Variants in CDIN1 observed in about 807,000 individuals in gnomAD.
The protein encoded by CDIN1 is CDAN1 interacting nuclease 1.
A neutral mutation model predicts 45.3 loss-of-function variants in CDIN1; 33 were observed. The observed-to-expected ratio is 0.73, with a 90% CI of 0.55 to 0.97. The LOEUF (loss-of-function observed/expected upper bound fraction) is 0.97. Among genes scored for constraint, CDIN1 ranks in the 50% least tolerant of loss-of-function variants. The pLI, the probability that CDIN1 is intolerant of heterozygous loss-of-function variation, is 0.00. For missense variants in CDIN1, 303 were observed against 339.4 expected (o/e 0.89, Z 0.84); for synonymous variants, 118 against 124.4 (o/e 0.95, Z 0.34).
intron 10 of CDIN1, among the ~76,000 whole-genome samples, chr15:36,730,184 A>T (rs1437828973): frequency 6.6e-6 from 1 of 152,128 alleles, no homozygotes; most frequent in Middle Eastern, 3.2e-3. Flanking sequence ...TCTTCAACTA[A>T]GAAATTAGGA....
At chr15:36,744,099 C>G (rs2044335526) in intron 10 of CDIN1, among the ~76,000 whole-genome samples, 1 of 151,134 alleles carries the variant, frequency 6.6e-6, no homozygotes, top group Admixed American at 6.6e-5. Context: ...TTTTTCTGTC[C>G]TTCCATTTTG....
intron 1 of CDIN1, among the ~76,000 whole-genome samples, chr15:36,634,122 T>C (rs976389119): frequency 6.6e-6 from 1 of 152,134 alleles, no homozygotes; most frequent in Non-Finnish European, 1.5e-5. Context: ...TCTTCAGTAA[T>C]GTTTTATAAC....
chr15:36,594,687 G>T (rs765100562), intron 1 of CDIN1, among the ~76,000 whole-genome samples: 4 of 152,124 alleles, frequency 2.6e-5, no homozygotes, highest in Non-Finnish European at 5.9e-5. Flanking sequence ...ACCTTTGTGC[G>T]CAATAAAAAT....
intron 10 of CDIN1, among the ~76,000 whole-genome samples, chr15:36,723,286 T>G (rs1180980808): frequency 2.6e-5 from 4 of 152,140 alleles, no homozygotes; most frequent in Admixed American, 2.0e-4. Flanking sequence ...AGTTAAAAAC[T>G]AAAGCCAATT....
In CDIN1 at chr15:36,763,238, G is replaced by A. The variant is rs574342679; in HGVS notation, c.717-45086G>A. Among the ~76,000 whole-genome samples, 3 of 152,254 alleles carry A rather than the reference G, an allele frequency of 2.0e-5. No homozygotes were observed. The East Asian group carries it at 5.8e-4, about 29-fold the overall frequency. ...TGGTTTTTATTTGCATTTCTCTGAT[G>A]GCCAGGGATGATGAGCATTTTTTCA... On this transcript the variant is annotated intron_variant, in intron 10 of 10. Transcript: ENST00000566621.
In CDIN1 at chr15:36,737,244, C is replaced by G. The variant is rs942615234; in HGVS notation, c.716+27283C>G. Among the ~76,000 whole-genome samples the G allele has an allele frequency of 2.6e-5, 4 of 151,860 alleles. No individual in the cohort carries two copies. The East Asian group carries it at 5.8e-4, about 22-fold the overall frequency. On this transcript the variant is annotated intron_variant, in intron 10 of 10. Coordinates refer to ENST00000566621, the MANE Select transcript of CDIN1 (RefSeq NM_001321759.2). ...CTCCTGCAGGTTCCAATACCTGGGT[C>G]GTTCCTATTTTTGCCTTTTATATCT... is the stretch of plus-strand genomic sequence containing the variant.
intron 10 of CDIN1, among the ~76,000 whole-genome samples, chr15:36,751,253 ATATATATG>A (rs1714618688): frequency 7.1e-6 from 1 of 141,372 alleles, no homozygotes; most frequent in African/African-American, 2.7e-5. Context: ...ATATATATAT[ATATATATG>A]GCACTAATAG....
intron 10 of CDIN1, among the ~76,000 whole-genome samples, chr15:36,763,686 G>T (rs1394006630): frequency 1.3e-5 from 2 of 152,138 alleles, no homozygotes; most frequent in African/African-American, 4.8e-5. Context: ...GTGGGGTTCA[G>T]GGAGCTTGAG....
intron 5 of CDIN1, among the ~76,000 whole-genome samples, chr15:36,659,898 G>A (rs908186615): frequency 6.6e-6 from 1 of 150,776 alleles, no homozygotes; most frequent in Non-Finnish European, 1.5e-5. Flanking sequence ...CAATTAATTT[G>A]CTGATGGTGC....
intron 1 of CDIN1, among the ~76,000 whole-genome samples, chr15:36,632,790 T>C (rs2039734043): frequency 6.6e-6 from 1 of 152,220 alleles, no homozygotes; most frequent in Admixed American, 6.5e-5. Flanking sequence ...TTTAAAAAGA[T>C]GACTGATAAA....
At chr15:36,779,888 A>G (rs186373334) in intron 10 of CDIN1, among the ~76,000 whole-genome samples, 6 of 152,348 alleles carry the variant, frequency 3.9e-5, no homozygotes, top group African/African-American at 9.6e-5. Context: ...AGATGGTCCT[A>G]TGAAACAGAC....
chr15:36,632,125 A>T, intron 1 of CDIN1, among the ~76,000 whole-genome samples: 1 of 152,176 alleles, frequency 6.6e-6, no homozygotes, highest in African/African-American at 2.4e-5. Context: ...GTGAGCCACC[A>T]TGCCTAACCA....
In CDIN1 at chr15:36,700,922, T is replaced by G. The variant is rs145581991; in HGVS notation, c.544+3532T>G. The stretch of plus-strand genomic sequence containing the variant: ...GATCTTGTCTCTACACAAAATTTTT[T>G]AAAATTTTGTGGTGGTAGGCACCTG... On this transcript the variant is annotated intron_variant, in intron 8 of 10. Transcript: ENST00000566621. Among the ~76,000 whole-genome samples the G allele has an allele frequency of 7.4e-3, 1,123 of 152,004 alleles. 10 individuals are homozygous for G. The highest frequency in any genetic ancestry group is 0.026 in the African/African-American group (1,068 of 41,470).
chr15:36,641,583 A>G (rs1672157654), intron 1 of CDIN1: 1 of 152,248 alleles, frequency 6.6e-6, no homozygotes, highest in African/African-American at 2.4e-5. Flanking sequence ...ATTTGGTACA[A>G]ATTAAATGAC....
intron 8 of CDIN1, among the ~76,000 whole-genome samples, chr15:36,701,138 A>G (rs551966298): frequency 1.3e-4 from 19 of 148,246 alleles, no homozygotes; most frequent in African/African-American, 3.9e-4. Flanking sequence ...AGATAGATAG[A>G]TAGATAGATA....
At chr15:36,728,077 A>G (rs1304785330) in intron 10 of CDIN1, among the ~76,000 whole-genome samples, 2 of 152,194 alleles carry the variant, frequency 1.3e-5, no homozygotes, top group Non-Finnish European at 2.9e-5. Context: ...GGAAAAACAA[A>G]GCTCCCAAGT....
At chr15:36,702,142 G>A (rs950917557) in intron 8 of CDIN1, 17 of 701,874 alleles carry the variant, frequency 2.4e-5, no homozygotes, top group Admixed American at 1.0e-4. Flanking sequence ...GAAGGGAATG[G>A]AGATGGCTGG....
chr15:36,613,471 C>T (rs2038743526), intron 1 of CDIN1: 2 of 1,549,582 alleles, frequency 1.3e-6, no homozygotes, highest in Non-Finnish European at 1.8e-6. Flanking sequence ...AGGTGGGCAC[C>T]ATGGCTGGGA....
intron 10 of CDIN1, among the ~76,000 whole-genome samples, chr15:36,711,960 A>G (rs906087265): frequency 1.3e-5 from 2 of 152,178 alleles, no homozygotes; most frequent in Non-Finnish European, 2.9e-5. Flanking sequence ...TTGTGAATGT[A>G]TGGGATCCTC....
Sources: allele counts gnomAD v4.1 joint callset (sites outside exome capture counted in the v4.1 genomes callset), GRCh38; gene constraint gnomAD v4.1.1; transcripts MANE v1.5; gene names NCBI Gene and HGNC (gene_info 2026-07-23, HGNC 2026-07-21).